INTS10: variants seen among roughly 807,000 people sequenced by gnomAD.
The protein encoded by INTS10 is integrator complex subunit 10, also known as chromosome 8 open reading frame 35.
INTS10 carries 44 observed loss-of-function variants against 94.4 expected under a neutral mutation model. The ratio of observed to expected loss-of-function variants is 0.47; its 90% CI spans 0.37 to 0.60. The LOEUF (loss-of-function observed/expected upper bound fraction) is 0.60, where lower values mean the gene tolerates loss of function less well. Among genes scored for constraint, INTS10 ranks in the 20% least tolerant of loss-of-function variants. INTS10 has a pLI of 0.00. For synonymous variants in INTS10, 341 were observed against 320.7 expected (o/e 1.06, Z -0.68); for missense variants, 797 against 868.7 (o/e 0.92, Z 1.04).
chr8:19,824,991 G>C lies in INTS10; in HGVS notation c.1006+19G>C, dbSNP rs769795576. On this transcript the variant is annotated intron_variant, in intron 8 of 16. Coordinates refer to ENST00000397977, the MANE Select transcript of INTS10 (RefSeq NM_018142.4). ...TTCCAAGGTTGGTTTACAAATTTTA[G>C]AGTGTCCAAAAAGCCAGTTCATACT... 1.9e-6 allele frequency: 3 copies of C among 1,609,884 alleles called. No individual in the cohort carries two copies. The highest frequency in any genetic ancestry group is 2.5e-6 in the Non-Finnish European group (3 of 1,177,046).
chr8:19,824,857 C>A lies in INTS10; in HGVS notation c.891C>A (p.Asn297Lys). The A allele has an allele frequency of 6.2e-7, 1 of 1,612,898 alleles. No individual in the cohort carries two copies. The highest frequency in any genetic ancestry group is 8.5e-7 in the Non-Finnish European group (1 of 1,178,932). ...AGGATCTCTGCAGATACATGAACAA[C>A]TTTGATAGTGAAGCACATGCAAAAT... ...RMKDLCRYMNNFDSEAHAKYK... is the reference protein window; with the variant it reads ...RMKDLCRYMNKFDSEAHAKYK... The change falls in exon 8 of 17, where the codon AAC (asparagine) becomes AAA (lysine). Residue 297 changes from asparagine to lysine, a missense_variant. This residue lies in a region of INTS10 where 734 missense variants were observed against 787.8 expected (regional missense o/e 0.93). Coordinates refer to ENST00000397977, the MANE Select transcript of INTS10 (RefSeq NM_018142.4).
chr8:19,828,723 T>G (rs112192105), intron 9 of INTS10, among the ~76,000 whole-genome samples: 112 of 97,778 alleles, frequency 1.1e-3, no homozygotes, highest in African/African-American at 3.8e-3. Context: ...ACGGTTGTGG[T>G]TTTTTTTTTT....
At position 19,829,609 on chromosome 8, in the gene INTS10, G is replaced by T. The variant is rs76418175; in HGVS notation, c.1141-797G>T. On this transcript the variant is annotated intron_variant, in intron 9 of 16. Coordinates refer to ENST00000397977, the MANE Select transcript of INTS10 (RefSeq NM_018142.4). ...GGTGACCAGTGCAGGGGAGTCATGC[G>T]CAGTGAACCAAAGATAACTAACAGT... is the stretch of plus-strand genomic sequence containing the variant. 7.4e-3 allele frequency among the ~76,000 whole-genome samples: 1,121 copies of T among 152,250 alleles called. 14 individuals are homozygous for T. The highest frequency in any genetic ancestry group is 0.024 in the African/African-American group (1,001 of 41,550).
rs972115722 is a variant in INTS10, at chr8:19,846,186, C to T, written c.1976+389C>T. ...CCTGTAATCTCAACACTTTGGGAGGCCAAGGAGGACAGATCACCTAAGGCC... is the reference window on the plus strand; with the variant it reads ...CCTGTAATCTCAACACTTTGGGAGGTCAAGGAGGACAGATCACCTAAGGCC... On this transcript the variant is annotated intron_variant, in intron 16 of 16. Transcript: ENST00000397977. The surrounding 1 kb of genome is among the most constrained non-coding windows in gnomAD (Gnocchi z 4.2). Among the ~76,000 whole-genome samples the T allele has an allele frequency of 2.6e-5, 4 of 151,610 alleles. No individual in the cohort carries two copies. The highest frequency in any genetic ancestry group is 9.7e-5 in the African/African-American group (4 of 41,214).
intron 2 of INTS10, chr8:19,818,688 A>G (rs939739506): frequency 6.3e-6 from 2 of 315,674 alleles, no homozygotes; most frequent in South Asian, 3.0e-5. Context: ...TGTAGGCAGT[A>G]TATCTATACA....
chr8:19,847,915 C>A (rs951505581), intron 16 of INTS10, among the ~76,000 whole-genome samples: 2 of 152,100 alleles, frequency 1.3e-5, no homozygotes, highest in Admixed American at 6.5e-5. Context: ...TCAATACAAC[C>A]CTTAATTTCT....
intron 9 of INTS10, among the ~76,000 whole-genome samples, chr8:19,828,090 C>T (rs565390953): frequency 1.3e-4 from 20 of 152,098 alleles, no homozygotes; most frequent in Non-Finnish European, 2.2e-4. Context: ...ATGCACCTAT[C>T]ATCCCAACTG....
At chr8:19,825,255 T>C (rs1301422495) in intron 8 of INTS10, among the ~76,000 whole-genome samples, 1 of 152,206 alleles carries the variant, frequency 6.6e-6, no homozygotes, top group Non-Finnish European at 1.5e-5. Context: ...GGCTGGGCGC[T>C]GTGGCTCACA....
intron 9 of INTS10, among the ~76,000 whole-genome samples, chr8:19,827,453 T>C (rs1262288244): frequency 1.3e-5 from 2 of 152,216 alleles, no homozygotes; most frequent in African/African-American, 2.4e-5. Context: ...ACTGGTTTAC[T>C]GTCTCTGTCC....
intron 12 of INTS10, 21 bp downstream of exon 12, chr8:19,833,342 T>C (rs1347192660): frequency 2.0e-6 from 3 of 1,515,550 alleles, no homozygotes; most frequent in East Asian, 2.5e-5. Flanking sequence ...CACACATACA[T>C]GCCTGCCGCA....
chr8:19,836,082 CAGCA>C (rs2128788794), intron 12 of INTS10, among the ~76,000 whole-genome samples: 1 of 152,090 alleles, frequency 6.6e-6, no homozygotes, highest in South Asian at 2.1e-4. Flanking sequence ...TTGATAGGTG[CAGCA>C]AACCACCAAG....
intron 13 of INTS10, among the ~76,000 whole-genome samples, chr8:19,839,935 C>T (rs1291105500): frequency 6.6e-6 from 1 of 151,772 alleles, no homozygotes; most frequent in African/African-American, 2.4e-5. Context: ...TAGTGGCACA[C>T]ACCTTTAATC....
chr8:19,828,858 G>A (rs1429654346), intron 9 of INTS10, among the ~76,000 whole-genome samples: 3 of 151,992 alleles, frequency 2.0e-5, no homozygotes, highest in Admixed American at 1.3e-4. Flanking sequence ...CACCTGGCCT[G>A]GTAGACAGGT....
rs765552188 is a variant in INTS10, at chr8:19,849,807, G to A, written c.1977-1842G>A. Among the ~76,000 whole-genome samples, 1 of 152,094 alleles carries A rather than the reference G, an allele frequency of 6.6e-6. No homozygotes were observed. The highest frequency in any genetic ancestry group is 2.4e-5 in the African/African-American group (1 of 41,418). ...TTTATCCTGTTCTTAAACCACAAAA[G>A]CTTACTAATTCTCTTTTTCATCCAA... On this transcript the variant is annotated intron_variant, in intron 16 of 16. Transcript: ENST00000397977. The surrounding 1 kb of genome is among the most constrained non-coding windows in gnomAD (Gnocchi z 4.6).
Position 19,851,740 on chromosome 8 carries a change from C to A in INTS10, c.2068C>A (p.Leu690Met), listed in dbSNP as rs1045810900. 3 of 1,614,136 alleles carry A rather than the reference C, an allele frequency of 1.9e-6. No individual in the cohort carries two copies. Among genetic ancestry groups the A allele is most frequent in the Non-Finnish European group, 2.5e-6 (3 of 1,179,982 alleles). Residue 690 changes from leucine to methionine, a missense_variant, in exon 17 of 17, where the codon CTG (leucine) becomes ATG (methionine). Physicochemically the swap from Leu to Met is conservative, Grantham distance 15. Transcript: ENST00000397977. The surrounding 1 kb of genome is among the most constrained non-coding windows in gnomAD (Gnocchi z 5.0). ...ERQVSRCGEN[L>M]MVVLHRFCIN... ...CCAGGTCTCCCGCTGTGGAGAGAATCTGATGGTGGTTCTGCACAGGTTCTG... is the reference window on the plus strand; with the variant it reads ...CCAGGTCTCCCGCTGTGGAGAGAATATGATGGTGGTTCTGCACAGGTTCTG...
At chr8:19,828,395 A>G (rs926616227) in intron 9 of INTS10, among the ~76,000 whole-genome samples, 1 of 152,186 alleles carries the variant, frequency 6.6e-6, no homozygotes, top group Non-Finnish European at 1.5e-5. Flanking sequence ...GACGTCATAA[A>G]TGGCTGGTGC....
chr8:19,818,660 T>G, intron 2 of INTS10: 2 of 348,640 alleles, frequency 5.7e-6, no homozygotes, highest in South Asian at 5.7e-5. Context: ...CATCCTAAAC[T>G]GAACCAGAGT....
At chr8:19,837,899 AGAAAT>A (rs1051594790) in intron 13 of INTS10, among the ~76,000 whole-genome samples, 5 of 152,202 alleles carry the variant, frequency 3.3e-5, no homozygotes, top group Non-Finnish European at 7.3e-5. Context: ...TACCAGTATC[AGAAAT>A]GAAAAAGGGA....
intron 13 of INTS10, among the ~76,000 whole-genome samples, chr8:19,840,983 A>G (rs1479704567): frequency 2.0e-5 from 3 of 152,140 alleles, no homozygotes; most frequent in Admixed American, 2.0e-4. Context: ...GAAACTGATT[A>G]GGTGGATAGG....
Sources: gnomAD v4.1 joint callset for allele counts (sites outside exome capture counted in the v4.1 genomes callset) on GRCh38, gnomAD v4.1.1 for gene constraint, gnomAD v4.1.1 regional missense constraint, Gnocchi (gnomAD v3.1) non-coding constraint, MANE v1.5 for transcripts, NCBI Gene and HGNC (gene_info 2026-07-23, HGNC 2026-07-21) for gene names.